The following CRB1 variants were observed in gnomAD, a reference collection of about 807,000 sequenced individuals.
CRB1 encodes the protein protein crumbs homolog 1.
CRB1 carries 83 observed loss-of-function variants against 120.0 expected under a neutral mutation model. That is an observed-to-expected ratio of 0.69 (90% confidence interval 0.58 to 0.83). The LOEUF is 0.83. CRB1 is among the 40% of genes least tolerant of loss of function. The pLI, the probability that CRB1 is intolerant of heterozygous loss-of-function variation, is 0.00. For missense variants in CRB1, 1,699 were observed against 1,687.6 expected (o/e 1.01, Z -0.12); for synonymous variants, 625 against 612.5 (o/e 1.02, Z -0.30).
At chr1:197,219,720 A>G in the CRB1 span, among the ~76,000 whole-genome samples, 21 of 152,334 alleles carry the variant, frequency 1.4e-4, no homozygotes, top group African/African-American at 5.1e-4. Context: ...TACACACCAA[A>G]ATTCTCAACA....
At chr1:197,359,359 T>G (rs1366998001) in intron 5 of CRB1, among the ~76,000 whole-genome samples, 1 of 152,168 alleles carries the variant, frequency 6.6e-6, no homozygotes, top group Non-Finnish European at 1.5e-5. Flanking sequence ...GTTTTTTTTT[T>G]TTTCCACTCA....
intron 4 of CRB1, among the ~76,000 whole-genome samples, chr1:197,353,426 T>C (rs969763130): frequency 8.5e-5 from 13 of 152,342 alleles, no homozygotes; most frequent in African/African-American, 3.1e-4. Flanking sequence ...TTTATAATTC[T>C]CAACTGTAAA....
chr1:197,289,338 A>G (rs1020460314), intron 1 of CRB1, among the ~76,000 whole-genome samples: 17 of 151,614 alleles, frequency 1.1e-4, no homozygotes, highest in African/African-American at 7.3e-5. Context: ...TTTTTCTTCT[A>G]TGGAAAATTG....
At chr1:197,234,093 G>T in the CRB1 span, among the ~76,000 whole-genome samples, 1 of 152,180 alleles carries the variant, frequency 6.6e-6, no homozygotes. Context: ...GTAGAGGCAT[G>T]TGGATGCATC....
At chr1:197,315,618 T>C (rs940875605) in intron 1 of CRB1, among the ~76,000 whole-genome samples, 8 of 152,350 alleles carry the variant, frequency 5.3e-5, no homozygotes, top group Admixed American at 3.9e-4. Flanking sequence ...AATATAAATA[T>C]CCAAACAAAG....
rs569735105 is a variant in CRB1 at position 197,347,244 on chromosome 1, T to C, written c.849-96T>C. 4.8e-4 allele frequency: 522 copies of C among 1,089,864 alleles called. 7 individuals carry two copies. The South Asian group carries it at 6.1e-3, about 13-fold the overall frequency. 67.5% of individuals were successfully genotyped at this position (1,089,864 alleles called of 1,614,324 possible). On this transcript the variant is annotated intron_variant, in intron 3 of 11. Coordinates refer to ENST00000367400, the MANE Select transcript of CRB1 (RefSeq NM_201253.3). ...TTTTTGAGGTAGTAAGATGATGCCA[T>C]GGGTCTTGGGTTGATAGACAGTTGA...
intron 11 of CRB1, among the ~76,000 whole-genome samples, chr1:197,450,957 C>CAAA (rs11288525): frequency 1.2e-3 from 69 of 56,604 alleles, no homozygotes; most frequent in Middle Eastern, 0.021. Flanking sequence ...GACTCCGTCC[C>CAAA]AAAAAAAAAA....
intron 4 of CRB1, among the ~76,000 whole-genome samples, chr1:197,355,578 C>T (rs1660426215): frequency 6.6e-6 from 1 of 152,190 alleles, no homozygotes; most frequent in African/African-American, 2.4e-5. Flanking sequence ...AATTCCAGAG[C>T]AGCACTGGTG....
chr1:197,328,861 C>T lies in CRB1; in HGVS notation c.510C>T (p.Tyr170=), dbSNP rs1658687526. 35 of 1,614,192 alleles carry T rather than the reference C, an allele frequency of 2.2e-5. No homozygotes were observed. Among genetic ancestry groups the T allele is most frequent in the Non-Finnish European group, 2.9e-5 (34 of 1,180,030 alleles). ...GAVCQDGIDG[Y]SCFCVPGYQG... is the part of the protein sequence containing the mutation. ...TGTGCCAGGATGGAATTGATGGTTA[C>T]TCCTGCTTCTGTGTCCCAGGATATC... Residue 170 remains tyrosine (Y), a synonymous_variant, in exon 2 of 12, where the codon TAC becomes TAT. Coordinates refer to ENST00000367400, the MANE Select transcript of CRB1 (RefSeq NM_201253.3).
chr1:197,451,220 C>G (rs1053533888), intron 11 of CRB1, among the ~76,000 whole-genome samples: 1 of 152,132 alleles, frequency 6.6e-6, no homozygotes, highest in South Asian at 2.1e-4. Flanking sequence ...TCTTAAGCAT[C>G]TGTGATTAGC....
At chr1:197,224,332 T>G in the CRB1 span, among the ~76,000 whole-genome samples, 1 of 152,192 alleles carries the variant, frequency 6.6e-6, no homozygotes, top group Non-Finnish European at 1.5e-5. Context: ...CAGAAGCGAC[T>G]TTGAATATAT....
intron 1 of CRB1, among the ~76,000 whole-genome samples, chr1:197,312,885 C>T (rs1442388126): frequency 6.6e-6 from 1 of 152,102 alleles, no homozygotes; most frequent in Admixed American, 6.5e-5. Context: ...GTGCATTAAT[C>T]CCTTTCAACA....
At chr1:197,368,715 A>C (rs1661211140) in intron 5 of CRB1, among the ~76,000 whole-genome samples, 1 of 152,176 alleles carries the variant, frequency 6.6e-6, no homozygotes, top group South Asian at 2.1e-4. Flanking sequence ...TCCTCTGTTG[A>C]CTTGTAATCA....
intron 1 of CRB1, among the ~76,000 whole-genome samples, chr1:197,290,817 T>C (rs1656131479): frequency 6.6e-6 from 1 of 151,900 alleles, no homozygotes; most frequent in Admixed American, 6.6e-5. Context: ...TAAAGATATC[T>C]GTGTTAAAAT....
At chr1:197,393,967 T>C (rs2125419568) in intron 5 of CRB1, among the ~76,000 whole-genome samples, 1 of 152,294 alleles carries the variant, frequency 6.6e-6, no homozygotes, top group East Asian at 1.9e-4. Flanking sequence ...ATATAAATAG[T>C]GTTTAGTCAT....
At chr1:197,232,179 A>G in the CRB1 span, among the ~76,000 whole-genome samples, 1 of 152,202 alleles carries the variant, frequency 6.6e-6, no homozygotes, top group South Asian at 2.1e-4. Flanking sequence ...ATTATTCTCT[A>G]GAGGATCCAA....
At chr1:197,322,710 A>G (rs372470195) in intron 1 of CRB1, among the ~76,000 whole-genome samples, 44 of 152,246 alleles carry the variant, frequency 2.9e-4, no homozygotes, top group South Asian at 2.1e-4. Flanking sequence ...TTAGGAGCTT[A>G]CCATAAATGC....
chr1:197,302,960 T>C (rs1656954967), intron 1 of CRB1, among the ~76,000 whole-genome samples: 1 of 152,170 alleles, frequency 6.6e-6, no homozygotes, highest in Non-Finnish European at 1.5e-5. Context: ...AAATCACACA[T>C]ATTTCCTGAA....
intron 1 of CRB1, among the ~76,000 whole-genome samples, chr1:197,290,848 T>C (rs771414943): frequency 3.2e-4 from 48 of 151,842 alleles, no homozygotes; most frequent in Non-Finnish European, 5.6e-4. Flanking sequence ...TTGTCCATGC[T>C]TTTGCAGGAC....
Sources: gnomAD v4.1 joint callset for allele counts (sites outside exome capture counted in the v4.1 genomes callset) on GRCh38, gnomAD v4.1.1 for gene constraint, MANE v1.5 for transcripts, NCBI Gene and HGNC (gene_info 2026-07-23, HGNC 2026-07-21) for gene names.